The following ANLN variants were observed in gnomAD, a reference collection of about 807,000 sequenced individuals.
The protein encoded by ANLN is anillin.
A neutral mutation model predicts 135.1 loss-of-function variants in ANLN; 59 were observed. That is an observed-to-expected ratio of 0.44 (90% CI 0.35 to 0.54). The LOEUF (loss-of-function observed/expected upper bound fraction) is 0.54. Ranked by LOEUF, ANLN falls within the 20% of genes least tolerant of loss-of-function variation. The probability of loss-of-function intolerance (pLI) is 0.00; values close to 1 mark genes in which losing one functional copy is unlikely to be tolerated. For missense variants in ANLN, 1,182 were observed against 1,340.0 expected, an observed-to-expected ratio of 0.88 and a Z score of 1.84; for synonymous variants, 406 against 456.4, an observed-to-expected ratio of 0.89 and a Z score of 1.41.
At chr7:36,426,270 T>G (rs1279165726) in intron 19 of ANLN, among the ~76,000 whole-genome samples, 9 of 152,224 alleles carry the variant, frequency 5.9e-5, no homozygotes, top group Admixed American at 2.0e-4. Flanking sequence ...GTTATTCAGC[T>G]CTAGCAGCAG....
intron 14 of ANLN, among the ~76,000 whole-genome samples, chr7:36,423,510 G>A (rs1308549406): frequency 6.6e-6 from 1 of 152,012 alleles, no homozygotes; most frequent in East Asian, 1.9e-4. Flanking sequence ...TTTGAGATAT[G>A]TACTATTAGT....
chr7:36,403,239 T>G (rs1583599688), intron 3 of ANLN, among the ~76,000 whole-genome samples: 1 of 151,852 alleles, frequency 6.6e-6, no homozygotes, highest in African/African-American at 2.4e-5. Context: ...GACTGGATGG[T>G]GGAGGGAGAA....
rs1175740976 is a variant in ANLN, at chr7:36,443,773, A to G, written c.2989A>G (p.Ser997Gly). Reference protein sequence around the residue: ...RGFLTIFEDVSGFGAWHRRWC... With the variant: ...RGFLTIFEDVGGFGAWHRRWC... ...TTTCCAGACCATATTTGAAGATGTT[A>G]GTGGTTTTGGTGCCTGGCATCGAAG... is the stretch of plus-strand genomic sequence containing the variant. Residue 997 changes from serine (S) to glycine (G), a missense_variant, in exon 22 of 24, where the codon AGT becomes GGT. Transcript: ENST00000265748. The G allele has an allele frequency of 6.2e-7, 1 of 1,611,554 alleles. No homozygotes were observed. The highest frequency in any genetic ancestry group is 1.3e-5 in the African/African-American group (1 of 74,902).
intron 13 of ANLN, among the ~76,000 whole-genome samples, chr7:36,422,324 A>G (rs746122012): frequency 1.3e-5 from 2 of 151,914 alleles, no homozygotes; most frequent in African/African-American, 4.8e-5. Context: ...TTCCCTTATC[A>G]ATAAATAGCT....
chr7:36,435,194 T>C (rs1362653863), intron 20 of ANLN, among the ~76,000 whole-genome samples: 1 of 152,170 alleles, frequency 6.6e-6, no homozygotes, highest in Non-Finnish European at 1.5e-5. Context: ...AACAAATGAA[T>C]ACACCTATAT....
Position 36,422,796 on chromosome 7 carries a change from G to T in ANLN, c.2463G>T (p.Thr821=). 1 of 1,601,712 alleles carries T rather than the reference G, an allele frequency of 6.2e-7. No homozygotes were observed. Among genetic ancestry groups the T allele is most frequent in the Non-Finnish European group, 8.5e-7 (1 of 1,176,464 alleles). Residue 821 remains threonine, a synonymous_variant, in exon 14 of 24, where the codon ACG becomes ACT. Transcript: ENST00000265748. Reference sequence around the variant, plus strand: ...TAAAAGCAGATTTTGTCTGCAGTACGGTTCAGAAACCAGGTATGGTGGTGA... The same window carrying T: ...TAAAAGCAGATTTTGTCTGCAGTACTGTTCAGAAACCAGGTATGGTGGTGA... ...LPLKADFVCS[T]VQKPDAANYY... is the part of the protein sequence containing the mutation.
intron 3 of ANLN, among the ~76,000 whole-genome samples, chr7:36,404,057 G>A (rs1379428014): frequency 3.3e-5 from 5 of 152,096 alleles, no homozygotes; most frequent in South Asian, 2.1e-4. Flanking sequence ...TGCAACCTCC[G>A]CCTCCTGGGT....
intron 21 of ANLN, among the ~76,000 whole-genome samples, chr7:36,442,209 A>G (rs1788802689): frequency 6.6e-6 from 1 of 152,258 alleles, no homozygotes; most frequent in Non-Finnish European, 1.5e-5. Context: ...GAGATAATTT[A>G]AAGATATGCT....
At position 36,412,686 on chromosome 7, in the gene ANLN, C is replaced by T. The variant is rs116807802; in HGVS notation, c.1395+1520C>T. On this transcript the variant is annotated intron_variant, in intron 7 of 23. Coordinates refer to ENST00000265748, the MANE Select transcript of ANLN (RefSeq NM_018685.5). ...TTCACTTGCTTAAAATCTTGAAGTG[C>T]TCCTCATAGTCATCATCAGAAAAAA... 3.4e-3 allele frequency among the ~76,000 whole-genome samples: 521 copies of T among 152,196 alleles called. 3 individuals carry two copies. The highest frequency in any genetic ancestry group is 0.012 in the African/African-American group (494 of 41,536).
intron 17 of ANLN, among the ~76,000 whole-genome samples, chr7:36,425,398 G>A (rs1788041057): frequency 6.6e-6 from 1 of 150,634 alleles, no homozygotes; most frequent in Non-Finnish European, 1.5e-5. Context: ...AGGTTCAAGC[G>A]ATTCTCCTGC....
At chr7:36,420,470 C>T in intron 11 of ANLN, 127 bp from the exon 12 acceptor site, 2 of 1,254,090 alleles carry the variant, frequency 1.6e-6, no homozygotes, top group South Asian at 2.9e-5. Flanking sequence ...AATGAGAGTT[C>T]CATTCTGTTG....
intron 1 of ANLN, among the ~76,000 whole-genome samples, chr7:36,391,491 T>C (rs1786459786): frequency 1.3e-5 from 2 of 152,216 alleles, no homozygotes; most frequent in Non-Finnish European, 2.9e-5. Context: ...ATATGTATGG[T>C]TTATATTATG....
At chr7:36,435,687 C>A (rs932036907) in intron 20 of ANLN, among the ~76,000 whole-genome samples, 1 of 151,308 alleles carries the variant, frequency 6.6e-6, no homozygotes, top group Non-Finnish European at 1.5e-5. Flanking sequence ...TCCTGGCTAA[C>A]ACGGTGAAAC....
intron 8 of ANLN, 26 bp from the exon 9 acceptor site, chr7:36,417,054 A>G (rs746663700): frequency 6.3e-6 from 8 of 1,267,788 alleles, no homozygotes; most frequent in Non-Finnish European, 9.0e-6. Flanking sequence ...ATATATATTA[A>G]TATGGTCTTT....
intron 21 of ANLN, among the ~76,000 whole-genome samples, chr7:36,443,101 T>G (rs1002437119): frequency 6.6e-6 from 1 of 152,220 alleles, no homozygotes; most frequent in Non-Finnish European, 1.5e-5. Context: ...AGTTGCCTAT[T>G]CTGGAGCCCT....
At chr7:36,396,113 T>G (rs79086052) in intron 1 of ANLN, among the ~76,000 whole-genome samples, 153 bp from the exon 2 acceptor site, 1 of 152,226 alleles carries the variant, frequency 6.6e-6, no homozygotes, top group Non-Finnish European at 1.5e-5. Flanking sequence ...GGGGTACTCA[T>G]TTAGTGAATC....
In ANLN at chr7:36,410,693, C is replaced by G. The variant is rs191065612; in HGVS notation, c.1276C>G (p.Gln426Glu). The part of the protein sequence containing the change: ...TSSSTTHLAQ[Q>E]LKQERQKELA... ...TTCATCTACTACCCATTTAGCACAA[C>G]AGCTCAAGCAGGTATGGTGTACTGC... The change falls in exon 6 of 24, where the codon CAG (glutamine) becomes GAG (glutamate). Residue 426 changes from glutamine to glutamate, a missense_variant. This residue lies in a region of ANLN where 1,022 missense variants were observed against 1,134.0 expected (regional missense o/e 0.90). Coordinates refer to ENST00000265748, the MANE Select transcript of ANLN (RefSeq NM_018685.5). 2.9e-5 allele frequency: 47 copies of G among 1,613,570 alleles called. No homozygotes were observed. The highest frequency in any genetic ancestry group is 3.7e-5 in the Non-Finnish European group (44 of 1,179,678).
At position 36,406,456 on chromosome 7, in the gene ANLN, C is replaced by A; in HGVS notation, c.763C>A (p.Gln255Lys). The change falls in exon 4 of 24, where the codon CAG (glutamine) becomes AAG (lysine). Residue 255 changes from glutamine (Q) to lysine (K), a missense_variant. Transcript: ENST00000265748. Reference sequence around the variant, plus strand: ...TAGGATCAATAGCAGCAGTGTTAAGCAGGAAGCTACATTCTGTTCCCAAAG... The same window carrying A: ...TAGGATCAATAGCAGCAGTGTTAAGAAGGAAGCTACATTCTGTTCCCAAAG... The part of the protein sequence containing the change: ...SARINSSSVK[Q>K]EATFCSQRDG... The A allele has an allele frequency of 6.2e-7, 1 of 1,611,646 alleles. No individual in the cohort carries two copies. The highest frequency in any genetic ancestry group is 1.7e-5 in the Admixed American group (1 of 59,904).
Position 36,411,168 on chromosome 7 carries a change from T to A in ANLN, c.1395+2T>A, listed in dbSNP as rs1334280888. 2.5e-6 allele frequency: 4 copies of A among 1,600,178 alleles called. No individual in the cohort carries two copies. The highest frequency in any genetic ancestry group is 3.4e-6 in the Non-Finnish European group (4 of 1,176,194). ...AGCAAACAACTAGAAACCAAACAGG[T>A]AATGTAAACAAGAAATATAAAAACG... On this transcript the variant is annotated splice_donor_variant, in intron 7 of 23. Coordinates refer to ENST00000265748, the MANE Select transcript of ANLN (RefSeq NM_018685.5). LOFTEE classifies it high-confidence loss of function.
Sources: gnomAD v4.1 joint callset for allele counts (sites outside exome capture counted in the v4.1 genomes callset) on GRCh38, gnomAD v4.1.1 for gene constraint, gnomAD v4.1.1 regional missense constraint, MANE v1.5 for transcripts, NCBI Gene and HGNC (gene_info 2026-07-23, HGNC 2026-07-21) for gene names.